Variants in VSTM2A observed in about 807,000 individuals in gnomAD.
VSTM2A encodes the protein V-set and transmembrane domain containing 2A.
A neutral mutation model predicts 27.3 loss-of-function variants in VSTM2A; 13 were observed. The ratio of observed to expected loss-of-function variants is 0.48; its 90% CI spans 0.31 to 0.76. The LOEUF (loss-of-function observed/expected upper bound fraction) is 0.76. Among genes scored for constraint, VSTM2A ranks in the 30% least tolerant of loss-of-function variants. The probability of loss-of-function intolerance (pLI) is 0.05; values close to 1 mark genes in which losing one functional copy is unlikely to be tolerated. For missense variants in VSTM2A, 280 were observed against 310.0 expected (o/e 0.90, Z 0.73); for synonymous variants, 142 against 125.7 (o/e 1.13, Z -0.87).
chr7:54,569,251 G>C lies in VSTM2A; in HGVS notation c.*32G>C. 1.3e-6 allele frequency: 2 copies of C among 1,551,272 alleles called. No individual in the cohort carries two copies. Among genetic ancestry groups the C allele is most frequent in the Non-Finnish European group, 1.7e-6 (2 of 1,146,820 alleles). Reference sequence around the variant, plus strand: ...ACACAAGGAGCGCCTGCTTCCGGAAGCATAAATGAAGAGGCTATCACATGC... The same window carrying C: ...ACACAAGGAGCGCCTGCTTCCGGAACCATAAATGAAGAGGCTATCACATGC... On this transcript the variant is annotated 3_prime_UTR_variant, in exon 5 of 5. Coordinates refer to ENST00000402613, the MANE Select transcript of VSTM2A (RefSeq NM_001301009.2).
At chr7:54,563,008 G>A (rs1365451952) in intron 4 of VSTM2A, among the ~76,000 whole-genome samples, 1 of 152,098 alleles carries the variant, frequency 6.6e-6, no homozygotes, top group East Asian at 1.9e-4. Context: ...TAATTATAAA[G>A]CATTCTTATT....
intron 3 of VSTM2A, among the ~76,000 whole-genome samples, chr7:54,549,504 G>T (rs1788110728): frequency 6.6e-6 from 1 of 152,162 alleles, no homozygotes. Context: ...GTGCTTCATT[G>T]AACTGAGTTA....
At chr7:54,543,076 GGT>G (rs1277037154) in intron 1 of VSTM2A, among the ~76,000 whole-genome samples, 2 of 151,816 alleles carry the variant, frequency 1.3e-5, no homozygotes, top group African/African-American at 4.8e-5. Flanking sequence ...TGTGTGTGTG[GGT>G]GTGTGTGTGC....
At chr7:54,554,107 T>G (rs1584054987) in intron 4 of VSTM2A, 2 of 1,549,676 alleles carry the variant, frequency 1.3e-6, no homozygotes, top group East Asian at 4.9e-5. Flanking sequence ...CTCCCAAAGC[T>G]GTCATGCAAG....
chr7:54,557,045 C>T (rs1788384007), intron 4 of VSTM2A: 2 of 152,234 alleles, frequency 1.3e-5, no homozygotes, highest in African/African-American at 4.8e-5. Flanking sequence ...AAAGGCTTCA[C>T]TCTGTTGGTC....
At chr7:54,545,352 G>T (rs539456637) in intron 2 of VSTM2A, among the ~76,000 whole-genome samples, 1 of 150,122 alleles carries the variant, frequency 6.7e-6, no homozygotes, top group Non-Finnish European at 1.5e-5. Flanking sequence ...AGAAGAAAGG[G>T]GGAGACCGGG....
At chr7:54,564,103 T>C (rs1036022149) in intron 4 of VSTM2A, among the ~76,000 whole-genome samples, 6 of 152,224 alleles carry the variant, frequency 3.9e-5, no homozygotes, top group African/African-American at 1.4e-4. Flanking sequence ...CCGCGTCTAC[T>C]CGAAGAGCTG....
At position 54,553,691 on chromosome 7, in the gene VSTM2A, A is replaced by G. The variant is rs151058563; in HGVS notation, c.634+3521A>G. ...CAAATATGGAGAAGAAAGACCTTTCAGAGAGGAGGGTGGCACCAAGCACAA... is the reference window on the plus strand; with the variant it reads ...CAAATATGGAGAAGAAAGACCTTTCGGAGAGGAGGGTGGCACCAAGCACAA... On this transcript the variant is annotated intron_variant, in intron 4 of 4. Coordinates refer to ENST00000402613, the MANE Select transcript of VSTM2A (RefSeq NM_001301009.2). Among the ~76,000 whole-genome samples, 1,316 of 152,244 alleles carry G rather than the reference A, an allele frequency of 8.6e-3. 24 individuals are homozygous for G. The highest frequency in any genetic ancestry group is 0.03 in the African/African-American group (1,240 of 41,530).
At position 54,542,406 on chromosome 7, in the gene VSTM2A, G is replaced by A; in HGVS notation, c.-325G>A. On this transcript the variant is annotated 5_prime_UTR_variant, in exon 1 of 5. Coordinates refer to ENST00000402613, the MANE Select transcript of VSTM2A (RefSeq NM_001301009.2). Reference sequence around the variant, plus strand: ...CGAGCCGGCTCCGTGTTTAGGGAGGGCAGTGATCACGCAAGCCGGAGCGGC... The same window carrying A: ...CGAGCCGGCTCCGTGTTTAGGGAGGACAGTGATCACGCAAGCCGGAGCGGC... The A allele has an allele frequency of 2.3e-6, 1 of 431,162 alleles. No individual in the cohort carries two copies. The highest frequency in any genetic ancestry group is 4.1e-6 in the Non-Finnish European group (1 of 241,318). The allele number at this position is 431,162 out of a possible 1,614,324, so 26.7% of individuals were successfully genotyped here.
intron 4 of VSTM2A, among the ~76,000 whole-genome samples, chr7:54,566,389 T>A (rs762443251): frequency 4.6e-5 from 7 of 151,632 alleles, no homozygotes; most frequent in Non-Finnish European, 8.8e-5. Context: ...TTTAATGAGC[T>A]AATAGCATAA....
chr7:54,556,888 G>A (rs923135405), intron 4 of VSTM2A: 1 of 152,176 alleles, frequency 6.6e-6, no homozygotes, highest in Non-Finnish European at 1.5e-5. Context: ...GTGACTACTA[G>A]TTCCTCTGTA....
At chr7:54,550,914 A>G (rs1028890461) in intron 4 of VSTM2A, 8 of 152,248 alleles carry the variant, frequency 5.3e-5, no homozygotes, top group African/African-American at 1.9e-4. Flanking sequence ...TACCCTGCAC[A>G]ACCCCGCGGC....
At chr7:54,553,923 C>G (rs1240157354) in intron 4 of VSTM2A, 1 of 1,551,432 alleles carries the variant, frequency 6.4e-7, no homozygotes. Flanking sequence ...ACTAGTCCTT[C>G]CTTTCTTCTC....
rs1287206496 is a variant in VSTM2A, at chr7:54,569,185, A to G, written c.689A>G (p.Asn230Ser). The change falls in exon 5 of 5, where the codon AAC (asparagine) becomes AGC (serine). Residue 230 changes from asparagine (N) to serine (S), a missense_variant. Physicochemically the swap from Asn to Ser is conservative, Grantham distance 46 (BLOSUM62 1). Coordinates refer to ENST00000402613, the MANE Select transcript of VSTM2A (RefSeq NM_001301009.2). ...GAGCGGACAGCAAAGTTGACCCTAA[A>G]CTCCAAGCACCACCCTGCACCCACT... ...STERTAKLTL[N>S]SKHHPAPTVL 1.9e-6 allele frequency: 3 copies of G among 1,551,476 alleles called. No homozygotes were observed. The South Asian group carries it at 3.6e-5, about 18-fold the overall frequency.
chr7:54,554,867 G>A (rs1443637667), intron 4 of VSTM2A, among the ~76,000 whole-genome samples: 3 of 152,302 alleles, frequency 2.0e-5, no homozygotes, highest in African/African-American at 4.8e-5. Flanking sequence ...CAGACAACAC[G>A]CAGAACAGAG....
rs1788841179 is a variant in VSTM2A at position 54,569,964 on chromosome 7, A to G, written c.*745A>G. 1 of 152,114 alleles carries G rather than the reference A, an allele frequency of 6.6e-6. No individual in the cohort carries two copies. Among genetic ancestry groups the G allele is most frequent in the South Asian group, 2.1e-4 (1 of 4,828 alleles). The allele number at this position is 152,114 out of a possible 1,614,324, so 9.4% of individuals were successfully genotyped here. A position where few individuals can be genotyped will look rare whatever the true frequency, so the allele number is the denominator to read the frequency against. On this transcript the variant is annotated 3_prime_UTR_variant, in exon 5 of 5. Coordinates refer to ENST00000402613, the MANE Select transcript of VSTM2A (RefSeq NM_001301009.2). ...TATCTGTGTGTTGGGCCAATGACCA[A>G]CTTTTTTTGACGAAGCATTTGTTTT...
intron 4 of VSTM2A, among the ~76,000 whole-genome samples, chr7:54,557,658 A>G (rs548081734): frequency 6.6e-6 from 1 of 152,264 alleles, no homozygotes; most frequent in South Asian, 2.1e-4. Context: ...TTAAATGAGA[A>G]CTATACTATA....
chr7:54,546,700 C>A, intron 2 of VSTM2A: 1 of 479,504 alleles, frequency 2.1e-6, no homozygotes, highest in Non-Finnish European at 3.7e-6. Context: ...GCCGGGACAG[C>A]CCCGGGACAG....
chr7:54,548,524 C>T (rs961547682), intron 3 of VSTM2A, among the ~76,000 whole-genome samples: 1 of 151,774 alleles, frequency 6.6e-6, no homozygotes, highest in African/African-American at 2.4e-5. Flanking sequence ...TAATAGCACC[C>T]CAGGTGATTC....
Sources: gnomAD v4.1 joint callset for allele counts (sites outside exome capture counted in the v4.1 genomes callset) on GRCh38, gnomAD v4.1.1 for gene constraint, MANE v1.5 for transcripts, NCBI Gene and HGNC (gene_info 2026-07-23, HGNC 2026-07-21) for gene names.